Variants in MMP26 observed in about 807,000 individuals in gnomAD.
MMP26 encodes the protein matrix metalloproteinase-26.
A neutral mutation model predicts 31.0 loss-of-function variants in MMP26; 33 were observed. That is an observed-to-expected ratio of 1.06 (90% confidence interval 0.81 to 1.42). The LOEUF is 1.42. Among genes scored for constraint, MMP26 ranks in the 40% most tolerant of loss-of-function variants. MMP26 has a pLI of 0.00. For synonymous variants in MMP26, 122 were observed against 114.9 expected, an observed-to-expected ratio of 1.06 and a Z score of -0.40; for missense variants, 347 against 316.1, an observed-to-expected ratio of 1.10 and a Z score of -0.74.
chr11:4,787,985 T>C (rs1207001125), intron 2 of MMP26, among the ~76,000 whole-genome samples: 1 of 152,198 alleles, frequency 6.6e-6, no homozygotes, highest in Non-Finnish European at 1.5e-5. Context: ...AGATAAAAAA[T>C]CTGGAATTTA....
chr11:4,821,637 C>T (rs1275545366), intron 2 of MMP26: 2 of 1,613,912 alleles, frequency 1.2e-6, no homozygotes, highest in Non-Finnish European at 1.7e-6. Flanking sequence ...CAGCCACAGA[C>T]CTGAGCTTGT....
At chr11:4,944,399 G>A (rs1346902703) in intron 2 of MMP26, 4 of 163,552 alleles carry the variant, frequency 2.4e-5, no homozygotes, top group Non-Finnish European at 5.3e-5. Context: ...TAAAAAGCTG[G>A]GTCATTGTTG....
At chr11:4,713,030 C>G (rs1847881506) in intron 1 of MMP26, among the ~76,000 whole-genome samples, 1 of 151,970 alleles carries the variant, frequency 6.6e-6, no homozygotes, top group South Asian at 2.1e-4. Context: ...TGTTGAGGTT[C>G]TGTTTGAGAA....
In MMP26 at chr11:4,722,535, A is replaced by AG. The variant is rs1319448933; in HGVS notation, c.-217+17490_-217+17491insG. 2.7e-5 allele frequency among the ~76,000 whole-genome samples: 4 copies of AG among 149,546 alleles called. No individual in the cohort carries two copies. The East Asian group carries it at 7.8e-4, about 29-fold the overall frequency. On this transcript the variant is annotated intron_variant, in intron 1 of 7. Coordinates refer to ENST00000380390, the MANE Select transcript of MMP26 (RefSeq NM_021801.5). ...ATTTATTTAGGACAGGAAAAAAAAA[A>AG]AAGCAATTGAATTGTTTTGTAGCTG... is the stretch of plus-strand genomic sequence containing the variant.
chr11:4,709,369 G>A (rs749643790), intron 1 of MMP26, among the ~76,000 whole-genome samples: 4 of 152,130 alleles, frequency 2.6e-5, no homozygotes, highest in Admixed American at 1.3e-4. Flanking sequence ...ACACAATTTA[G>A]TGTCTGTGTC....
At chr11:4,800,069 G>A (rs1849161061) in intron 2 of MMP26, among the ~76,000 whole-genome samples, 1 of 152,132 alleles carries the variant, frequency 6.6e-6, no homozygotes, top group African/African-American at 2.4e-5. Flanking sequence ...CTACTATTCT[G>A]GGATCTGGAG....
At chr11:4,890,985 T>G (rs1850611063) in intron 2 of MMP26, among the ~76,000 whole-genome samples, 2 of 120,476 alleles carry the variant, frequency 1.7e-5, no homozygotes, top group South Asian at 2.3e-4. Flanking sequence ...CTCAGAATAA[T>G]AATAATAATA....
At chr11:4,776,156 A>G (rs1284388772) in intron 2 of MMP26, among the ~76,000 whole-genome samples, 1 of 152,084 alleles carries the variant, frequency 6.6e-6, no homozygotes, top group Non-Finnish European at 1.5e-5. Context: ...GTAGTATTCC[A>G]TTGTGCACAT....
At position 4,769,372 on chromosome 11, in the gene MMP26, G is replaced by A. The variant is rs750405317; in HGVS notation, c.-145+2031G>A. 3.1e-6 allele frequency: 5 copies of A among 1,614,034 alleles called. No individual in the cohort carries two copies. The South Asian group carries it at 5.5e-5, about 18-fold the overall frequency. ...ATGCTAATTGAATCACATCTGGATG[G>A]TAACAATAGGAGTGAGAAAGGGCAT... On this transcript the variant is annotated intron_variant, in intron 2 of 7. Transcript: ENST00000380390.
chr11:4,875,113 A>G (rs1357026910), intron 2 of MMP26: 1 of 152,136 alleles, frequency 6.6e-6, no homozygotes, highest in African/African-American at 2.4e-5. Context: ...GCTGAGCCAT[A>G]TATTAGTTGT....
intron 1 of MMP26, among the ~76,000 whole-genome samples, chr11:4,762,172 G>C (rs1440999825): frequency 1.3e-5 from 2 of 152,126 alleles, no homozygotes; most frequent in Non-Finnish European, 1.5e-5. Flanking sequence ...TCAGTGGTCA[G>C]TAATATTACT....
At chr11:4,792,744 G>T (rs1301054754) in intron 2 of MMP26, among the ~76,000 whole-genome samples, 1 of 152,170 alleles carries the variant, frequency 6.6e-6, no homozygotes, top group South Asian at 2.1e-4. Context: ...GCTTACAGTT[G>T]GGAAAACAGT....
chr11:4,804,393 A>G (rs202139157), intron 2 of MMP26: 242 of 1,596,908 alleles, frequency 1.5e-4, no homozygotes, highest in Admixed American at 9.0e-4. Context: ...ACTGGTTAAT[A>G]TGGTCTCTGC....
At chr11:4,751,990 T>A (rs1249480552) in intron 1 of MMP26, 2 of 152,178 alleles carry the variant, frequency 1.3e-5, no homozygotes, top group African/African-American at 4.8e-5. Flanking sequence ...TGTGGTAAAT[T>A]TTCTAGACTT....
At chr11:4,796,297 T>C (rs1424898942) in intron 2 of MMP26, among the ~76,000 whole-genome samples, 1 of 152,212 alleles carries the variant, frequency 6.6e-6, no homozygotes, top group Non-Finnish European at 1.5e-5. Context: ...CAATTTACAA[T>C]ACAGAATAAA....
intron 2 of MMP26, chr11:4,875,676 T>A (rs1451499318): frequency 6.6e-6 from 1 of 152,122 alleles, no homozygotes; most frequent in Non-Finnish European, 1.5e-5. Context: ...CTCCTGTGAT[T>A]TGATTTGGCC....
At chr11:4,900,391 T>C (rs1471896709) in intron 2 of MMP26, among the ~76,000 whole-genome samples, 1 of 152,202 alleles carries the variant, frequency 6.6e-6, no homozygotes, top group African/African-American at 2.4e-5. Flanking sequence ...AGTGGCCATT[T>C]TCTACTCAAG....
rs750775371 is a variant in MMP26 at position 4,907,968 on chromosome 11, TCTTC to T, written c.-144-80099_-144-80096del. 4 of 1,614,164 alleles carry T rather than the reference TCTTC, an allele frequency of 2.5e-6. No individual in the cohort carries two copies. In the East Asian group the frequency reaches 8.9e-5, roughly 36 times the overall value. On this transcript the variant is annotated intron_variant, in intron 2 of 7. Transcript: ENST00000380390. Reference sequence around the variant, plus strand: ...AACAAGACCAATGTCATCTATGGCTTCTTCATTGCTCTCTGTACTATGCTGGACT... The same window carrying T: ...AACAAGACCAATGTCATCTATGGCTTATTGCTCTCTGTACTATGCTGGACT...
chr11:4,984,601 G>A (rs1287374736), intron 2 of MMP26, among the ~76,000 whole-genome samples: 5 of 152,084 alleles, frequency 3.3e-5, no homozygotes, highest in African/African-American at 1.2e-4. Context: ...AGATATTAAT[G>A]CAACTTGACG....
Sources: gnomAD v4.1 joint callset for allele counts (sites outside exome capture counted in the v4.1 genomes callset) on GRCh38, gnomAD v4.1.1 for gene constraint, MANE v1.5 for transcripts, NCBI Gene and HGNC (gene_info 2026-07-23, HGNC 2026-07-21) for gene names.